The following PRICKLE1 variants were observed in gnomAD, a reference collection of about 807,000 sequenced individuals.
The protein encoded by PRICKLE1 is prickle-like protein 1.
PRICKLE1 carries 14 observed loss-of-function variants against 70.2 expected under a neutral mutation model. The ratio of observed to expected loss-of-function variants is 0.20; its 90% confidence interval spans 0.13 to 0.31. The LOEUF (loss-of-function observed/expected upper bound fraction) is 0.31. PRICKLE1 is among the 10% of genes least tolerant of loss of function. PRICKLE1 has a pLI of 1.00. For synonymous variants in PRICKLE1, 357 were observed against 379.9 expected, an observed-to-expected ratio of 0.94 and a Z score of 0.70; for missense variants, 821 against 1,026.2, an observed-to-expected ratio of 0.80 and a Z score of 2.73.
At chr12:42,538,042 G>T (rs917832119) in intron 1 of PRICKLE1, among the ~76,000 whole-genome samples, 1 of 152,110 alleles carries the variant, frequency 6.6e-6, no homozygotes, top group South Asian at 2.1e-4. Flanking sequence ...TCCTGGCTGG[G>T]TGTGGCTCAC....
At chr12:42,477,030 A>C (rs1189660055) in intron 1 of PRICKLE1, among the ~76,000 whole-genome samples, 1 of 152,134 alleles carries the variant, frequency 6.6e-6, no homozygotes, top group Non-Finnish European at 1.5e-5. Context: ...CGGGTAAAGC[A>C]GTGGCAGCTA....
chr12:42,582,829 T>C (rs1408315973), intron 1 of PRICKLE1, among the ~76,000 whole-genome samples: 1 of 151,956 alleles, frequency 6.6e-6, no homozygotes, highest in African/African-American at 2.4e-5. Context: ...CTTTTTTTTA[T>C]TTAGCTCACC....
At chr12:42,519,453 C>A (rs1844306310) in intron 1 of PRICKLE1, among the ~76,000 whole-genome samples, 1 of 152,138 alleles carries the variant, frequency 6.6e-6, no homozygotes, top group Non-Finnish European at 1.5e-5. Context: ...GCCTCGGCCT[C>A]CCAAAGTGCC....
At chr12:42,467,638 C>T (rs555379398) in intron 5 of PRICKLE1, among the ~76,000 whole-genome samples, 5 of 151,880 alleles carry the variant, frequency 3.3e-5, no homozygotes, top group African/African-American at 7.2e-5. Context: ...CCCAGCTACT[C>T]GGGGGGCTGA....
At chr12:42,513,512 C>G (rs1004920593) in intron 1 of PRICKLE1, among the ~76,000 whole-genome samples, 1 of 151,804 alleles carries the variant, frequency 6.6e-6, no homozygotes, top group Non-Finnish European at 1.5e-5. Context: ...TGATAATGCC[C>G]GTGAATAGCT....
chr12:42,532,894 C>CAA (rs11413258), intron 1 of PRICKLE1, among the ~76,000 whole-genome samples: 13,747 of 132,700 alleles, frequency 0.1, 810 homozygotes, highest in African/African-American at 0.11. Context: ...GACTCCGTCT[C>CAA]AAAAAAAAAA....
At chr12:42,506,792 T>G (rs1450351663) in intron 1 of PRICKLE1, among the ~76,000 whole-genome samples, 5 of 151,308 alleles carry the variant, frequency 3.3e-5, no homozygotes, top group African/African-American at 1.2e-4. Context: ...AGGCTGGTCT[T>G]GAACTTCTGA....
chr12:42,515,342 C>T (rs185533336), intron 1 of PRICKLE1, among the ~76,000 whole-genome samples: 10 of 151,338 alleles, frequency 6.6e-5, no homozygotes, highest in East Asian at 5.9e-4. Context: ...CAGGTTCAAG[C>T]GATTCTCCTG....
At position 42,460,045 on chromosome 12, in the gene PRICKLE1, G is replaced by A. The variant is rs1044886176; in HGVS notation, c.2260C>T (p.Leu754Phe). The A allele has an allele frequency of 1.9e-6, 3 of 1,614,122 alleles. No individual in the cohort carries two copies. The highest frequency in any genetic ancestry group is 2.5e-6 in the Non-Finnish European group (3 of 1,180,032). The change falls in exon 8 of 8, where the codon CTC becomes TTC. Residue 754 changes from leucine (L) to phenylalanine (F), a missense_variant. Physicochemically the swap from Leu to Phe is conservative, Grantham distance 22. Coordinates refer to ENST00000345127, the MANE Select transcript of PRICKLE1 (RefSeq NM_153026.3). Reference sequence around the variant, plus strand: ...CAGGAATCATCATCCTCGCCGTAGAGTCCCAGAAACCGATTCATTCCTGGG... The same window carrying A: ...CAGGAATCATCATCCTCGCCGTAGAATCCCAGAAACCGATTCATTCCTGGG... ...QNPGMNRFLG[L>F]YGEDDDSWCS...
intron 1 of PRICKLE1, among the ~76,000 whole-genome samples, chr12:42,536,939 T>C (rs1940025373): frequency 6.6e-6 from 1 of 152,206 alleles, no homozygotes; most frequent in South Asian, 2.1e-4. Context: ...ATACATATTA[T>C]AATTAGCAAT....
intron 1 of PRICKLE1, among the ~76,000 whole-genome samples, chr12:42,540,672 C>T (rs900931136): frequency 1.3e-5 from 2 of 152,104 alleles, no homozygotes; most frequent in African/African-American, 4.8e-5. Context: ...AAGCGATTCT[C>T]CTGCCTCAGC....
intron 1 of PRICKLE1, among the ~76,000 whole-genome samples, chr12:42,476,480 C>G (rs992676248): frequency 6.6e-6 from 1 of 151,872 alleles, no homozygotes; most frequent in Admixed American, 6.6e-5. Flanking sequence ...CTGCACCTGG[C>G]TAATTTTGTA....
chr12:42,545,891 T>C lies in PRICKLE1; in HGVS notation c.-49+43574A>G, dbSNP rs184776029. On this transcript the variant is annotated intron_variant, in intron 1 of 7. Transcript: ENST00000345127. ...AAATATATATATGGAAGGAAAAATA[T>C]ATCCATATATATATATATATGGAAG... Among the ~76,000 whole-genome samples, 60 of 150,224 alleles carry C rather than the reference T, an allele frequency of 4.0e-4. 1 individual carries two copies. The East Asian group carries it at 0.01, about 26-fold the overall frequency.
At position 42,555,653 on chromosome 12, in the gene PRICKLE1, T is replaced by G. The variant is rs144397503; in HGVS notation, c.-49+33812A>C. Among the ~76,000 whole-genome samples the G allele has an allele frequency of 3.2e-3, 484 of 152,326 alleles. 2 individuals are homozygous for G. The highest frequency in any genetic ancestry group is 0.011 in the African/African-American group (440 of 41,564). On this transcript the variant is annotated intron_variant, in intron 1 of 7. Coordinates refer to ENST00000345127, the MANE Select transcript of PRICKLE1 (RefSeq NM_153026.3). The stretch of plus-strand genomic sequence containing the variant: ...TGAAAATGTTCTCATTATGGCTTTT[T>G]ATAGCTTAACACAAAATTTTGAGAT...
Position 42,527,916 on chromosome 12 carries a change from AAT to A in PRICKLE1, c.-48-55354_-48-55353del, listed in dbSNP as rs1163552624. Among the ~76,000 whole-genome samples the A allele has an allele frequency of 2.3e-3, 47 of 20,128 alleles. 2 individuals are homozygous for A. The highest frequency in any genetic ancestry group is 3.4e-3 in the South Asian group (2 of 586). 13.2% of individuals were successfully genotyped at this position (20,128 alleles called of 152,430 possible). On this transcript the variant is annotated intron_variant, in intron 1 of 7. Coordinates refer to ENST00000345127, the MANE Select transcript of PRICKLE1 (RefSeq NM_153026.3). The stretch of plus-strand genomic sequence containing the variant: ...ACTGGAGTTTATATATACTCTTTAT[AAT>A]ATATATATATATATATATATATATA...
intron 1 of PRICKLE1, among the ~76,000 whole-genome samples, chr12:42,539,164 A>G (rs1410201267): frequency 6.6e-6 from 1 of 152,188 alleles, no homozygotes; most frequent in East Asian, 1.9e-4. Flanking sequence ...TGATTAAAAT[A>G]TTCACAAAAG....
At chr12:42,531,043 CTTTT>C (rs141334021) in intron 1 of PRICKLE1, among the ~76,000 whole-genome samples, 19 of 100,128 alleles carry the variant, frequency 1.9e-4, no homozygotes, top group East Asian at 5.7e-4. Flanking sequence ...ATGTTAAGGG[CTTTT>C]TTTTTTTTTT....
At chr12:42,537,574 G>T (rs2120580389) in intron 1 of PRICKLE1, among the ~76,000 whole-genome samples, 1 of 152,288 alleles carries the variant, frequency 6.6e-6, no homozygotes, top group African/African-American at 2.4e-5. Context: ...CTGTTTTACT[G>T]AATATTTAAC....
intron 1 of PRICKLE1, among the ~76,000 whole-genome samples, chr12:42,552,635 G>A (rs1328742128): frequency 6.6e-6 from 1 of 152,226 alleles, no homozygotes; most frequent in African/African-American, 2.4e-5. Flanking sequence ...CTTCTTTCCA[G>A]AGGGACTTGA....
Sources: allele counts gnomAD v4.1 joint callset (sites outside exome capture counted in the v4.1 genomes callset), GRCh38; gene constraint gnomAD v4.1.1; transcripts MANE v1.5; gene names NCBI Gene and HGNC (gene_info 2026-07-23, HGNC 2026-07-21).